The following BBS9 variants were observed in gnomAD, a reference collection of about 807,000 sequenced individuals.
The protein encoded by BBS9 is Bardet-Biedl syndrome 9, also known as protein PTHB1.
In BBS9, 89 loss-of-function variants were observed where a neutral mutation model predicts 117.7. The observed-to-expected ratio is 0.76, with a 90% CI of 0.64 to 0.90. The LOEUF (loss-of-function observed/expected upper bound fraction) is 0.90. Among genes scored for constraint, BBS9 ranks in the 40% least tolerant of loss-of-function variants. BBS9 has a pLI of 0.00. For missense variants in BBS9, 982 were observed against 1,042.2 expected (o/e 0.94, Z 0.80); for synonymous variants, 379 against 370.9 (o/e 1.02, Z -0.25).
In BBS9 at chr7:33,210,367, C is replaced by T. The variant is rs1583641469; in HGVS notation, c.442+32776C>T. ...GCTGAGGAGAAGAATGTATATTCTG[C>T]AGCCTTTGGATGAGATGTTTTGTAA... On this transcript the variant is annotated intron_variant, in intron 5 of 22. Coordinates refer to ENST00000242067, the MANE Select transcript of BBS9 (RefSeq NM_198428.3). Among the ~76,000 whole-genome samples the T allele has an allele frequency of 2.0e-5, 3 of 152,310 alleles. No homozygotes were observed. In the East Asian group the frequency reaches 5.8e-4, roughly 29 times the overall value.
At position 33,233,202 on chromosome 7, in the gene BBS9, G is replaced by A. The variant is rs138018127; in HGVS notation, c.443-24034G>A. Among the ~76,000 whole-genome samples, 1,161 of 152,170 alleles carry A rather than the reference G, an allele frequency of 7.6e-3. 5 individuals carry two copies. The highest frequency in any genetic ancestry group is 0.011 in the Non-Finnish European group (725 of 67,978). On this transcript the variant is annotated intron_variant, in intron 5 of 22. Coordinates refer to ENST00000242067, the MANE Select transcript of BBS9 (RefSeq NM_198428.3). ...TTGGGTGGCTATTGGTGATGCGAAA[G>A]TGTTAATTTATTTTTGTTTTTATTC...
chr7:33,284,610 G>T (rs1562936530), intron 9 of BBS9, among the ~76,000 whole-genome samples: 1 of 152,054 alleles, frequency 6.6e-6, no homozygotes, highest in African/African-American at 2.4e-5. Flanking sequence ...TTATATCTTT[G>T]ATTATTTCTT....
At position 33,436,911 on chromosome 7, in the gene BBS9, G is replaced by A. The variant is rs150356548; in HGVS notation, c.2115+48767G>A. The stretch of plus-strand genomic sequence containing the variant: ...AAAACACATAAGTTATAAAGCATTA[G>A]CCATCTGAGATAATTTCTGTGTAAC... On this transcript the variant is annotated intron_variant, in intron 19 of 22. Coordinates refer to ENST00000242067, the MANE Select transcript of BBS9 (RefSeq NM_198428.3). Among the ~76,000 whole-genome samples the A allele has an allele frequency of 7.9e-4, 120 of 152,320 alleles. 1 individual carries two copies. The South Asian group carries it at 0.011, about 14-fold the overall frequency.
At chr7:33,294,294 T>TATCTATCC (rs1804727189) in intron 9 of BBS9, among the ~76,000 whole-genome samples, 1 of 6,740 alleles carries the variant, frequency 1.5e-4, no homozygotes, top group Admixed American at 1.6e-3. Context: ...ATCTATCATC[T>TATCTATCC]ATCTATCTAT....
chr7:33,228,618 G>A (rs1455120498), intron 5 of BBS9, among the ~76,000 whole-genome samples: 2 of 152,028 alleles, frequency 1.3e-5, no homozygotes, highest in Admixed American at 6.6e-5. Context: ...AACATAAACA[G>A]TTGATTAACA....
intron 20 of BBS9, among the ~76,000 whole-genome samples, chr7:33,516,315 C>A (rs1171643305): frequency 6.6e-6 from 1 of 151,532 alleles, no homozygotes; most frequent in Non-Finnish European, 1.5e-5. Flanking sequence ...ATGGTGAAAC[C>A]CCATCTTTAC....
intron 19 of BBS9, among the ~76,000 whole-genome samples, chr7:33,405,656 T>G (rs1368452285): frequency 6.6e-6 from 1 of 152,228 alleles, no homozygotes; most frequent in African/African-American, 2.4e-5. Flanking sequence ...TATTCTCTGA[T>G]GGTAGTTTGT....
chr7:33,616,724 T>C (rs536836620), intron 21 of BBS9, among the ~76,000 whole-genome samples: 1 of 151,988 alleles, frequency 6.6e-6, no homozygotes, highest in South Asian at 2.1e-4. Context: ...TTTCTTTTTA[T>C]AGATTTAGGG....
intron 21 of BBS9, among the ~76,000 whole-genome samples, chr7:33,575,050 A>T (rs1347390901): frequency 6.6e-6 from 1 of 152,052 alleles, no homozygotes; most frequent in African/African-American, 2.4e-5. Flanking sequence ...TGACTTGAAC[A>T]GGTCTGGTGA....
intron 19 of BBS9, among the ~76,000 whole-genome samples, chr7:33,494,487 T>A (rs1220036557): frequency 6.6e-6 from 1 of 152,166 alleles, no homozygotes; most frequent in African/African-American, 2.4e-5. Context: ...ATATAATACA[T>A]GTGGAAGGTA....
intron 21 of BBS9, among the ~76,000 whole-genome samples, chr7:33,581,510 A>G (rs1176313496): frequency 1.3e-5 from 2 of 152,170 alleles, no homozygotes. Flanking sequence ...AAGAAGGCTC[A>G]TGTAACTTAC....
chr7:33,365,422 C>T (rs968712602), intron 16 of BBS9, among the ~76,000 whole-genome samples: 8 of 152,194 alleles, frequency 5.3e-5, no homozygotes, highest in Non-Finnish European at 1.2e-4. Context: ...TTGCAGCTCT[C>T]TTAGCTGTGG....
At chr7:33,282,381 AT>A (rs960633265) in intron 9 of BBS9, among the ~76,000 whole-genome samples, 6 of 151,426 alleles carry the variant, frequency 4.0e-5, no homozygotes, top group African/African-American at 7.3e-5. Flanking sequence ...TTTATTTTTA[AT>A]TTTTTTTTAA....
chr7:33,280,287 A>G (rs949021728), intron 9 of BBS9, among the ~76,000 whole-genome samples: 1 of 152,162 alleles, frequency 6.6e-6, no homozygotes, highest in Non-Finnish European at 1.5e-5. Context: ...GGTAGTCAGC[A>G]TAGTACCCAA....
At chr7:33,612,339 GAT>G (rs1864924311) in intron 21 of BBS9, among the ~76,000 whole-genome samples, 1 of 152,036 alleles carries the variant, frequency 6.6e-6, no homozygotes, top group Non-Finnish European at 1.5e-5. Context: ...CATGAGGATG[GAT>G]AGAGGATGAG....
At chr7:33,573,134 CCTAATTTT>C (rs1316173924) in intron 21 of BBS9, among the ~76,000 whole-genome samples, 2 of 151,798 alleles carry the variant, frequency 1.3e-5, no homozygotes, top group Non-Finnish European at 2.9e-5. Context: ...CATTTTTTTC[CCTAATTTT>C]CTAATTTTCT....
At chr7:33,516,805 C>A (rs1847882904) in intron 20 of BBS9, among the ~76,000 whole-genome samples, 1 of 152,174 alleles carries the variant, frequency 6.6e-6, no homozygotes, top group South Asian at 2.1e-4. Context: ...GGTCTATTGC[C>A]TAACATAGGA....
At chr7:33,510,883 T>C (rs961489674) in intron 20 of BBS9, among the ~76,000 whole-genome samples, 4 of 152,198 alleles carry the variant, frequency 2.6e-5, no homozygotes, top group African/African-American at 9.6e-5. Context: ...AACACACTAA[T>C]GAAATTAGGG....
At chr7:33,588,295 T>TG (rs1029354934) in intron 21 of BBS9, among the ~76,000 whole-genome samples, 2 of 152,148 alleles carry the variant, frequency 1.3e-5, no homozygotes, top group Admixed American at 1.3e-4. Flanking sequence ...CCAGGTCTAC[T>TG]GGGGGAGTAG....
Sources: gnomAD v4.1 joint callset for allele counts (sites outside exome capture counted in the v4.1 genomes callset) on GRCh38, gnomAD v4.1.1 for gene constraint, MANE v1.5 for transcripts, NCBI Gene and HGNC (gene_info 2026-07-23, HGNC 2026-07-21) for gene names.